Variants in CCSER1 observed in about 807,000 individuals in gnomAD.
The protein encoded by CCSER1 is serine-rich coiled-coil domain-containing protein 1.
A neutral mutation model predicts 82.0 loss-of-function variants in CCSER1; 41 were observed. The observed-to-expected ratio is 0.50, with a 90% CI of 0.39 to 0.65. CCSER1 has a LOEUF of 0.65. Ranked by LOEUF, CCSER1 falls within the 30% of genes least tolerant of loss-of-function variation. The pLI, the probability that CCSER1 is intolerant of heterozygous loss-of-function variation, is 0.00. For synonymous variants in CCSER1, 414 were observed against 383.9 expected (o/e 1.08, Z -0.92); for missense variants, 1,119 against 1,064.2 (o/e 1.05, Z -0.72).
intron 9 of CCSER1, among the ~76,000 whole-genome samples, chr4:91,053,487 T>C (rs1489975719): frequency 6.6e-6 from 1 of 152,298 alleles, no homozygotes; most frequent in African/African-American, 2.4e-5. Context: ...TTTTCTCTCC[T>C]AAGTCCCACA....
intron 10 of CCSER1, among the ~76,000 whole-genome samples, chr4:91,574,550 G>T (rs77032915): frequency 6.6e-6 from 1 of 152,022 alleles, no homozygotes; most frequent in Non-Finnish European, 1.5e-5. Flanking sequence ...ACACCATGGA[G>T]TATACACAGA....
At chr4:91,078,667 A>C (rs1047691658) in intron 9 of CCSER1, among the ~76,000 whole-genome samples, 3 of 152,348 alleles carry the variant, frequency 2.0e-5, no homozygotes, top group South Asian at 2.1e-4. Flanking sequence ...CCATCGCAAG[A>C]AGCTAAAAAC....
intron 7 of CCSER1, among the ~76,000 whole-genome samples, chr4:90,777,039 T>C (rs1055422723): frequency 3.4e-4 from 51 of 152,148 alleles, no homozygotes; most frequent in African/African-American, 1.1e-3. Context: ...AATGAATCTG[T>C]GCTATAAAAC....
intron 9 of CCSER1, chr4:90,938,906 G>T: frequency 6.2e-6 from 1 of 160,118 alleles, no homozygotes. Flanking sequence ...AAATATTGAT[G>T]AATTAAGATT....
chr4:90,525,726 GTAA>G lies in CCSER1; in HGVS notation c.1724+57373_1724+57375del, dbSNP rs1294768399. ...GCAGCATCACTGCTCACAGCAGTCC[GTAA>G]CTGGGCTGAAGCAATCCTTCTACCT... On this transcript the variant is annotated intron_variant, in intron 5 of 10. Coordinates refer to ENST00000509176, the MANE Select transcript of CCSER1 (RefSeq NM_001145065.2). Among the ~76,000 whole-genome samples, 3 of 152,026 alleles carry G rather than the reference GTAA, an allele frequency of 2.0e-5. No individual in the cohort carries two copies. In the East Asian group the frequency reaches 5.8e-4, roughly 29 times the overall value.
chr4:90,787,461 A>G (rs1221779383), intron 7 of CCSER1, among the ~76,000 whole-genome samples: 1 of 152,208 alleles, frequency 6.6e-6, no homozygotes, highest in Non-Finnish European at 1.5e-5. Flanking sequence ...AACATTTACT[A>G]TCATTGAATA....
intron 5 of CCSER1, among the ~76,000 whole-genome samples, chr4:90,622,417 C>T (rs1385364532): frequency 2.6e-5 from 4 of 152,146 alleles, no homozygotes; most frequent in Admixed American, 6.5e-5. Flanking sequence ...TATCCCTTCC[C>T]CTGCCCCAAC....
rs1170284810 is a variant in CCSER1 at position 90,413,045 on chromosome 4, A to C, written c.1603+12916A>C. ...TTGCTGAAGACATGATCATATACCT[A>C]GAAAACCCTAAAGACTCATTCAAAA... On this transcript the variant is annotated intron_variant, in intron 4 of 10. Transcript: ENST00000509176. Among the ~76,000 whole-genome samples, 11 of 152,336 alleles carry C rather than the reference A, an allele frequency of 7.2e-5. No individual in the cohort carries two copies. The South Asian group carries it at 2.1e-3, about 29-fold the overall frequency.
intron 8 of CCSER1, among the ~76,000 whole-genome samples, chr4:90,857,756 A>G (rs376459060): frequency 5.3e-5 from 8 of 152,174 alleles, no homozygotes; most frequent in African/African-American, 1.9e-4. Context: ...GGGGAAATGT[A>G]GGTCAAGGGA....
At chr4:90,433,376 T>A (rs1758568509) in intron 4 of CCSER1, among the ~76,000 whole-genome samples, 1 of 152,148 alleles carries the variant, frequency 6.6e-6, no homozygotes, top group African/African-American at 2.4e-5. Context: ...TATTGACTAA[T>A]CTACCAAGGG....
At chr4:91,124,677 T>G (rs1727354675) in intron 10 of CCSER1, among the ~76,000 whole-genome samples, 1 of 151,966 alleles carries the variant, frequency 6.6e-6, no homozygotes, top group East Asian at 1.9e-4. Context: ...GAACCATGTC[T>G]TATTCATTTT....
chr4:90,932,973 A>AGAAAGAAAGAAGGAAG (rs1730195569), intron 9 of CCSER1, among the ~76,000 whole-genome samples: 1 of 37,446 alleles, frequency 2.7e-5, no homozygotes, highest in Non-Finnish European at 4.7e-5. Context: ...AAAGAAAGAA[A>AGAAAGAAAGAAGGAAG]GAAAGAAAGA....
intron 10 of CCSER1, among the ~76,000 whole-genome samples, chr4:91,363,423 A>G (rs1749395738): frequency 6.6e-6 from 1 of 151,362 alleles, no homozygotes; most frequent in African/African-American, 2.4e-5. Flanking sequence ...AAGACATAAA[A>G]TATGAAGATG....
intron 10 of CCSER1, among the ~76,000 whole-genome samples, chr4:91,477,181 T>C (rs1184055935): frequency 6.6e-6 from 1 of 151,790 alleles, no homozygotes; most frequent in Non-Finnish European, 1.5e-5. Flanking sequence ...TACAAAGGAT[T>C]AATACCCAGA....
intron 6 of CCSER1, among the ~76,000 whole-genome samples, chr4:90,712,587 T>C (rs755004117): frequency 1.3e-4 from 20 of 152,246 alleles, no homozygotes; most frequent in Non-Finnish European, 2.8e-4. Flanking sequence ...ATGTGTCATG[T>C]GACAATGAGA....
chr4:90,203,359 C>T (rs191973388), intron 1 of CCSER1, among the ~76,000 whole-genome samples: 3 of 152,242 alleles, frequency 2.0e-5, no homozygotes, highest in Non-Finnish European at 2.9e-5. Context: ...CTCCCCACCA[C>T]CAACAGACCC....
At chr4:90,844,725 A>G (rs895137048) in intron 8 of CCSER1, among the ~76,000 whole-genome samples, 4 of 152,066 alleles carry the variant, frequency 2.6e-5, no homozygotes, top group Admixed American at 2.6e-4. Flanking sequence ...ACCTTCTAAT[A>G]CATGATACTA....
intron 10 of CCSER1, among the ~76,000 whole-genome samples, chr4:91,381,889 C>T (rs1750926093): frequency 6.6e-6 from 1 of 152,176 alleles, no homozygotes; most frequent in Non-Finnish European, 1.5e-5. Flanking sequence ...TACCTTTGGT[C>T]TTTGATGATG....
chr4:90,227,162 C>G (rs974408001), intron 1 of CCSER1, among the ~76,000 whole-genome samples: 6 of 152,182 alleles, frequency 3.9e-5, no homozygotes, highest in African/African-American at 1.4e-4. Flanking sequence ...GGCTCAGCAT[C>G]TGCTTCTGAG....
Sources: gnomAD v4.1 joint callset for allele counts (sites outside exome capture counted in the v4.1 genomes callset) on GRCh38, gnomAD v4.1.1 for gene constraint, MANE v1.5 for transcripts, NCBI Gene and HGNC (gene_info 2026-07-23, HGNC 2026-07-21) for gene names.